ZNF385D: variants seen among roughly 807,000 people sequenced by gnomAD.
ZNF385D encodes zinc finger protein 659.
A neutral mutation model predicts 35.8 loss-of-function variants in ZNF385D; 15 were observed. That is an observed-to-expected ratio of 0.42 (90% CI 0.28 to 0.64). ZNF385D has a LOEUF of 0.64. Among genes scored for constraint, ZNF385D ranks in the 30% least tolerant of loss-of-function variants. The probability of loss-of-function intolerance (pLI) is 0.23; values close to 1 mark genes in which losing one functional copy is unlikely to be tolerated. For missense variants in ZNF385D, 474 were observed against 494.6 expected, an observed-to-expected ratio of 0.96 and a Z score of 0.39; for synonymous variants, 212 against 186.8, an observed-to-expected ratio of 1.13 and a Z score of -1.10.
At chr3:21,433,050 G>A (rs1575135184) in intron 5 of ZNF385D, among the ~76,000 whole-genome samples, 2 of 152,250 alleles carry the variant, frequency 1.3e-5, no homozygotes, top group Middle Eastern at 3.4e-3. Flanking sequence ...GAGAAAGAGA[G>A]ATAGAAAGAC....
intron 3 of ZNF385D, among the ~76,000 whole-genome samples, chr3:22,165,747 C>A (rs533775415): frequency 6.6e-5 from 10 of 152,124 alleles, no homozygotes; most frequent in Non-Finnish European, 1.5e-4. Flanking sequence ...CCCCAGAACT[C>A]AGCTTTATTG....
At chr3:22,011,597 A>C (rs1338551106) in intron 3 of ZNF385D, among the ~76,000 whole-genome samples, 1 of 152,136 alleles carries the variant, frequency 6.6e-6, no homozygotes, top group East Asian at 1.9e-4. Flanking sequence ...TTATCTGAAG[A>C]AAATTTTGTA....
At chr3:21,904,318 A>AG (rs2125902534) in intron 3 of ZNF385D, among the ~76,000 whole-genome samples, 1 of 151,800 alleles carries the variant, frequency 6.6e-6, no homozygotes, top group South Asian at 2.1e-4. Flanking sequence ...AAAAAAAAAA[A>AG]AAAAAGAATT....
intron 2 of ZNF385D, among the ~76,000 whole-genome samples, chr3:22,357,728 T>G (rs1262749817): frequency 2.0e-5 from 3 of 151,914 alleles, no homozygotes; most frequent in African/African-American, 7.2e-5. Flanking sequence ...GAGTACTGTT[T>G]GTCTCTGACA....
intron 3 of ZNF385D, among the ~76,000 whole-genome samples, chr3:22,126,167 GATT>G (rs1290941629): frequency 6.6e-6 from 1 of 151,882 alleles, no homozygotes; most frequent in African/African-American, 2.4e-5. Flanking sequence ...CAATCGAAAT[GATT>G]ATATGATTTT....
chr3:22,129,853 C>T (rs1469868773), intron 3 of ZNF385D, among the ~76,000 whole-genome samples: 1 of 152,012 alleles, frequency 6.6e-6, no homozygotes, highest in Non-Finnish European at 1.5e-5. Flanking sequence ...AGTTGTAAGA[C>T]CCTTCCCTCT....
At chr3:22,046,308 T>C (rs1188772495) in intron 3 of ZNF385D, among the ~76,000 whole-genome samples, 5 of 152,162 alleles carry the variant, frequency 3.3e-5, no homozygotes, top group Non-Finnish European at 5.9e-5. Context: ...ATGTTACCAG[T>C]CCTCTTATTC....
chr3:21,909,649 T>C (rs570751226), intron 3 of ZNF385D, among the ~76,000 whole-genome samples: 1 of 152,046 alleles, frequency 6.6e-6, no homozygotes. Context: ...TCCTCTTGGA[T>C]ACTGTAGCAG....
At chr3:22,252,503 T>A (rs1025338336) in intron 2 of ZNF385D, among the ~76,000 whole-genome samples, 2 of 151,912 alleles carry the variant, frequency 1.3e-5, no homozygotes, top group Non-Finnish European at 2.9e-5. Context: ...ATGAGCAGAG[T>A]TCATGGGAGC....
At position 21,797,618 on chromosome 3, in the gene ZNF385D, A is replaced by G. The variant is rs185405205; in HGVS notation, c.326-132590T>C. Among the ~76,000 whole-genome samples, 7 of 151,848 alleles carry G rather than the reference A, an allele frequency of 4.6e-5. No homozygotes were observed. In the East Asian group the frequency reaches 9.7e-4, roughly 21 times the overall value. ...AAGCTGTTTTTACATAGGTGAATAG[A>G]TAAATAAACTGTGGTACATCCAGGC... On this transcript the variant is annotated intron_variant, in intron 3 of 5. Transcript: ENST00000494108.
intron 3 of ZNF385D, among the ~76,000 whole-genome samples, chr3:21,892,102 A>G (rs1319154272): frequency 6.6e-6 from 1 of 152,232 alleles, no homozygotes; most frequent in Non-Finnish European, 1.5e-5. Context: ...AACTCCCAAT[A>G]CTTGCTTCGT....
At chr3:21,722,425 G>C (rs1325114307) in intron 1 of ZNF385D, among the ~76,000 whole-genome samples, 1 of 152,134 alleles carries the variant, frequency 6.6e-6, no homozygotes, top group African/African-American at 2.4e-5. Flanking sequence ...CTTAGGTCTT[G>C]TTTGCCTTGC....
chr3:21,764,728 T>A (rs1163350267), intron 3 of ZNF385D, among the ~76,000 whole-genome samples: 1 of 152,102 alleles, frequency 6.6e-6, no homozygotes, highest in Admixed American at 6.6e-5. Context: ...CCTCAAATGA[T>A]GGAGTCAGCA....
At chr3:22,168,929 A>C in exon 3 of ZNF385D, 14 of 985,856 alleles carry the variant, frequency 1.4e-5, no homozygotes, top group Non-Finnish European at 1.7e-5. Flanking sequence ...TGTTACATAC[A>C]TTGCACAAAG....
intron 3 of ZNF385D, among the ~76,000 whole-genome samples, chr3:21,775,148 TGTAAA>T (rs2071235787): frequency 6.6e-6 from 1 of 151,866 alleles, no homozygotes; most frequent in Non-Finnish European, 1.5e-5. Context: ...TCATCAAAAC[TGTAAA>T]GTACTCATGG....
chr3:21,937,872 T>C (rs971806057), intron 3 of ZNF385D, among the ~76,000 whole-genome samples: 4 of 152,290 alleles, frequency 2.6e-5, no homozygotes, highest in Non-Finnish European at 5.9e-5. Context: ...CTCTATAACA[T>C]AAGCGTATTT....
In ZNF385D at chr3:21,715,591, AT is replaced by A. The variant is rs148436166; in HGVS notation, c.22+35303del. On this transcript the variant is annotated intron_variant, in intron 1 of 7. Coordinates refer to ENST00000281523, the MANE Select transcript of ZNF385D (RefSeq NM_024697.3). Reference sequence around the variant, plus strand: ...TCACATGCTTTTTTTAAATATATTGATTTTTTTTTCCTTTGAGTAGACACCC... The same window carrying A: ...TCACATGCTTTTTTTAAATATATTGATTTTTTTTCCTTTGAGTAGACACCC... Among the ~76,000 whole-genome samples the A allele has an allele frequency of 8.6e-5, 13 of 151,274 alleles. No homozygotes were observed. The South Asian group carries it at 1.0e-3, about 12-fold the overall frequency.
intron 3 of ZNF385D, among the ~76,000 whole-genome samples, chr3:21,780,849 C>A: frequency 6.6e-6 from 1 of 152,012 alleles, no homozygotes; most frequent in African/African-American, 2.4e-5. Flanking sequence ...CTGTAAGATC[C>A]ACTTAGTAAA....
intron 3 of ZNF385D, among the ~76,000 whole-genome samples, chr3:21,893,345 G>T (rs1371679418): frequency 6.6e-6 from 1 of 152,078 alleles, no homozygotes; most frequent in African/African-American, 2.4e-5. Flanking sequence ...TGTAAAACAT[G>T]GTAAAAAATA....
Sources: gnomAD v4.1 joint callset for allele counts (sites outside exome capture counted in the v4.1 genomes callset) on GRCh38, gnomAD v4.1.1 for gene constraint, MANE v1.5 for transcripts, NCBI Gene and HGNC (gene_info 2026-07-23, HGNC 2026-07-21) for gene names.